The following PKIA variants were observed in gnomAD, a reference collection of about 807,000 sequenced individuals.
PKIA encodes the protein cAMP-dependent protein kinase inhibitor alpha.
PKIA carries 4 observed loss-of-function variants against 7.6 expected under a neutral mutation model. The ratio of observed to expected loss-of-function variants is 0.52; its 90% CI spans 0.26 to 1.20. PKIA has a LOEUF of 1.20. PKIA is among the 50% of genes most tolerant of loss of function. PKIA has a pLI of 0.13. For synonymous variants in PKIA, 21 were observed against 30.7 expected (o/e 0.68, Z 1.04); for missense variants, 73 against 86.2 (o/e 0.85, Z 0.61).
chr8:78,588,238 T>C (rs766123199), intron 2 of PKIA, among the ~76,000 whole-genome samples: 1 of 152,142 alleles, frequency 6.6e-6, no homozygotes, highest in Non-Finnish European at 1.5e-5. Flanking sequence ...TTAAATACTT[T>C]GGGAGGCTGA....
chr8:78,547,943 G>A (rs34287868), intron 1 of PKIA, among the ~76,000 whole-genome samples: 26,196 of 151,982 alleles, frequency 0.17, 3,242 homozygotes, highest in African/African-American at 0.35. Context: ...CATGTTCACA[G>A]TTTGAACCAG....
At position 78,604,813 on chromosome 8, in the gene PKIA, C is replaced by T. The variant is rs1808436466; in HGVS notation, c.*2992C>T. ...TTTATCAATTGTAATCATCCTATGCCAACATATTATCATAAATTCATAGAA... is the reference window on the plus strand; with the variant it reads ...TTTATCAATTGTAATCATCCTATGCTAACATATTATCATAAATTCATAGAA... On this transcript the variant is annotated 3_prime_UTR_variant, in exon 4 of 4. Coordinates refer to ENST00000396418, the MANE Select transcript of PKIA (RefSeq NM_006823.4). 2 of 151,738 alleles carry T rather than the reference C, an allele frequency of 1.3e-5. No homozygotes were observed. The highest frequency in any genetic ancestry group is 3.9e-4 in the East Asian group (2 of 5,162). The allele number at this position is 151,738 out of a possible 1,614,324, so 9.4% of individuals were successfully genotyped here. A position where few individuals can be genotyped will look rare whatever the true frequency, so the allele number is the denominator to read the frequency against.
Position 78,602,694 on chromosome 8 carries a change from A to AATATATATATATATATATATATAT in PKIA, c.*893_*894insATATATATATATATATATATATAT, listed in dbSNP as rs34597437. ...CTCAAGTGGAGAACTTCTCCCACAT[A>AATATATATATATATATATATATAT]ATATATATATATATATATATTTTAA... On this transcript the variant is annotated 3_prime_UTR_variant, in exon 4 of 4. Transcript: ENST00000396418. 5.8e-3 allele frequency: 787 copies of AATATATATATATATATATATATAT among 136,648 alleles called. 12 individuals are homozygous for AATATATATATATATATATATATAT. Among genetic ancestry groups the AATATATATATATATATATATATAT allele is most frequent in the African/African-American group, 0.014 (510 of 35,572 alleles). 8.5% of individuals were successfully genotyped at this position (136,648 alleles called of 1,614,324 possible). A position where few individuals can be genotyped will look rare whatever the true frequency, so the allele number is the denominator to read the frequency against.
chr8:78,542,649 T>G (rs1221325321), intron 1 of PKIA, among the ~76,000 whole-genome samples: 3 of 152,112 alleles, frequency 2.0e-5, no homozygotes, highest in African/African-American at 7.2e-5. Flanking sequence ...GATTATTTGG[T>G]TTCATTTTTC....
intron 2 of PKIA, among the ~76,000 whole-genome samples, chr8:78,586,940 G>A (rs1160424778): frequency 1.3e-5 from 2 of 152,100 alleles, no homozygotes; most frequent in African/African-American, 4.8e-5. Context: ...ACACAGATGT[G>A]ATATCTGGCA....
chr8:78,516,408 C>A lies in PKIA; in HGVS notation c.-217C>A, dbSNP rs1164040010. The stretch of plus-strand genomic sequence containing the variant: ...GAGCTGACCGAGCACTCGGCGGGCG[C>A]GGCGGGACTGCGGCCCGTGGCGGCG... On this transcript the variant is annotated 5_prime_UTR_variant, in exon 1 of 4. Transcript: ENST00000396418. The A allele has an allele frequency of 3.3e-5, 5 of 152,330 alleles. No homozygotes were observed. The highest frequency in any genetic ancestry group is 1.2e-4 in the African/African-American group (5 of 41,420). 9.4% of individuals were successfully genotyped at this position (152,330 alleles called of 1,614,324 possible).
intron 1 of PKIA, among the ~76,000 whole-genome samples, chr8:78,557,513 C>G (rs1046389503): frequency 3.9e-5 from 6 of 152,044 alleles, no homozygotes; most frequent in African/African-American, 1.5e-4. Flanking sequence ...ATTACTTCAG[C>G]ATTGTGGGAC....
chr8:78,577,558 CTAACA>C (rs1410434255), intron 2 of PKIA, among the ~76,000 whole-genome samples: 15 of 151,696 alleles, frequency 9.9e-5, no homozygotes. Context: ...TCAAAGTAAC[CTAACA>C]TAACTTTCAT....
chr8:78,596,297 G>T (rs1257560693), intron 2 of PKIA, among the ~76,000 whole-genome samples: 1 of 151,826 alleles, frequency 6.6e-6, no homozygotes, highest in Non-Finnish European at 1.5e-5. Context: ...GGAGTGCAAT[G>T]GGCGTGATCT....
In PKIA at chr8:78,604,817, A is replaced by G. The variant is rs919717452; in HGVS notation, c.*2996A>G. ...TCAATTGTAATCATCCTATGCCAACATATTATCATAAATTCATAGAAATAT... is the reference window on the plus strand; with the variant it reads ...TCAATTGTAATCATCCTATGCCAACGTATTATCATAAATTCATAGAAATAT... On this transcript the variant is annotated 3_prime_UTR_variant, in exon 4 of 4. Transcript: ENST00000396418. The G allele has an allele frequency of 3.9e-5, 6 of 151,924 alleles. No individual in the cohort carries two copies. Among genetic ancestry groups the G allele is most frequent in the African/African-American group, 1.5e-4 (6 of 41,378 alleles). The allele number at this position is 151,924 out of a possible 1,614,324, so 9.4% of individuals were successfully genotyped here.
intron 2 of PKIA, among the ~76,000 whole-genome samples, chr8:78,585,588 A>G (rs969373032): frequency 1.3e-5 from 2 of 152,184 alleles, no homozygotes; most frequent in African/African-American, 4.8e-5. Flanking sequence ...AATGCTATAT[A>G]GGAAATTAGC....
intron 1 of PKIA, among the ~76,000 whole-genome samples, chr8:78,555,227 G>A (rs1807098549): frequency 6.6e-6 from 1 of 151,886 alleles, no homozygotes; most frequent in Non-Finnish European, 1.5e-5. Context: ...TCTCCCTTGA[G>A]TCTATTTATT....
At chr8:78,565,466 G>A (rs1807382241) in intron 1 of PKIA, among the ~76,000 whole-genome samples, 1 of 151,946 alleles carries the variant, frequency 6.6e-6, no homozygotes, top group Non-Finnish European at 1.5e-5. Flanking sequence ...TTATATAAGT[G>A]TAAAATTTGG....
At chr8:78,598,025 A>G (rs868367121) in intron 2 of PKIA, among the ~76,000 whole-genome samples, 2 of 150,582 alleles carry the variant, frequency 1.3e-5, no homozygotes, top group Non-Finnish European at 3.0e-5. Flanking sequence ...GGACACAAAT[A>G]TAATACATAA....
At chr8:78,525,080 A>G (rs1563566247) in intron 1 of PKIA, among the ~76,000 whole-genome samples, 1 of 151,650 alleles carries the variant, frequency 6.6e-6, no homozygotes, top group Non-Finnish European at 1.5e-5. Flanking sequence ...CTGGGGTATT[A>G]TAAGTTGGAA....
chr8:78,551,931 T>C (rs1037725241), intron 1 of PKIA, among the ~76,000 whole-genome samples: 5 of 152,012 alleles, frequency 3.3e-5, no homozygotes, highest in African/African-American at 1.2e-4. Flanking sequence ...GCTGTTTAAC[T>C]CCTATTATGT....
chr8:78,546,706 A>C (rs888349500), intron 1 of PKIA, among the ~76,000 whole-genome samples: 7 of 152,210 alleles, frequency 4.6e-5, no homozygotes, highest in African/African-American at 1.7e-4. Flanking sequence ...GAACCAGTTA[A>C]ATAGATGCCA....
intron 1 of PKIA, among the ~76,000 whole-genome samples, chr8:78,522,436 A>AC (rs1809433686): frequency 6.6e-6 from 1 of 151,840 alleles, no homozygotes; most frequent in East Asian, 1.9e-4. Flanking sequence ...AGTACTCTAG[A>AC]TACTGTAGTT....
intron 2 of PKIA, among the ~76,000 whole-genome samples, chr8:78,576,037 C>A (rs1208152509): frequency 6.6e-6 from 1 of 151,980 alleles, no homozygotes; most frequent in Non-Finnish European, 1.5e-5. Flanking sequence ...TCCCTGGAGT[C>A]TTTTTCTTCT....
Sources: allele counts gnomAD v4.1 joint callset (sites outside exome capture counted in the v4.1 genomes callset), GRCh38; gene constraint gnomAD v4.1.1; transcripts MANE v1.5; gene names NCBI Gene and HGNC (gene_info 2026-07-23, HGNC 2026-07-21).